The following SOX6 variants were observed in gnomAD, a reference collection of about 807,000 sequenced individuals.
SOX6 encodes the protein transcription factor SOX-6.
In SOX6, 11 loss-of-function variants were observed where a neutral mutation model predicts 97.8. That is an observed-to-expected ratio of 0.11 (90% CI 0.07 to 0.19). SOX6 has a LOEUF of 0.19. Ranked by LOEUF, SOX6 falls within the 10% of genes least tolerant of loss-of-function variation. The pLI is 1.00. For synonymous variants in SOX6, 360 were observed against 371.4 expected, an observed-to-expected ratio of 0.97 and a Z score of 0.35; for missense variants, 810 against 1,039.5, an observed-to-expected ratio of 0.78 and a Z score of 3.04.
chr11:16,641,283 T>A (rs1321046815), intron 3 of SOX6, among the ~76,000 whole-genome samples: 1 of 152,158 alleles, frequency 6.6e-6, no homozygotes, highest in East Asian at 1.9e-4. Flanking sequence ...ACAGTTTGTT[T>A]TAATTTCTGT....
chr11:16,074,050 C>T (rs1170037857), intron 9 of SOX6, among the ~76,000 whole-genome samples: 1 of 151,868 alleles, frequency 6.6e-6, no homozygotes, highest in East Asian at 1.9e-4. Context: ...ACTAGAGAAA[C>T]CAAAGCAAAT....
intron 3 of SOX6, among the ~76,000 whole-genome samples, chr11:16,253,010 A>G (rs1278557019): frequency 6.6e-6 from 1 of 152,070 alleles, no homozygotes; most frequent in East Asian, 1.9e-4. Flanking sequence ...TCTGCCTTTC[A>G]ACAAAAAATT....
chr11:16,182,736 G>A (rs1258700499), intron 6 of SOX6, among the ~76,000 whole-genome samples: 1 of 151,830 alleles, frequency 6.6e-6, no homozygotes, highest in African/African-American at 2.4e-5. Context: ...TGGACAAAAT[G>A]CCAATTAGGT....
intron 6 of SOX6, among the ~76,000 whole-genome samples, chr11:16,125,554 T>C (rs1187618008): frequency 6.6e-6 from 1 of 152,054 alleles, no homozygotes. Flanking sequence ...TTCCAAGGTA[T>C]AGTCCAGTAC....
At chr11:16,107,364 T>A (rs1289670121) in intron 7 of SOX6, among the ~76,000 whole-genome samples, 1 of 148,430 alleles carries the variant, frequency 6.7e-6, no homozygotes. Context: ...GATGAACAGA[T>A]AAACAAAATG....
At chr11:16,030,076 G>C (rs943821506) in intron 12 of SOX6, among the ~76,000 whole-genome samples, 1 of 152,040 alleles carries the variant, frequency 6.6e-6, no homozygotes, top group Admixed American at 6.6e-5. Context: ...CGACTGCTTC[G>C]GGATCTGAAT....
chr11:16,184,898 A>T (rs1365390519), intron 5 of SOX6, among the ~76,000 whole-genome samples: 2 of 99,680 alleles, frequency 2.0e-5, no homozygotes, highest in Non-Finnish European at 3.9e-5. Flanking sequence ...GCCAGAGAGC[A>T]CTCAGGACTT....
intron 4 of SOX6, among the ~76,000 whole-genome samples, chr11:16,571,594 C>T (rs1847938795): frequency 6.6e-6 from 1 of 151,714 alleles, no homozygotes; most frequent in African/African-American, 2.4e-5. Context: ...CTGTACCCAG[C>T]CTCTACATTC....
chr11:16,011,414 G>A (rs1278246080), intron 13 of SOX6, among the ~76,000 whole-genome samples: 1 of 152,100 alleles, frequency 6.6e-6, no homozygotes, highest in Non-Finnish European at 1.5e-5. Context: ...ATGCTGTCTT[G>A]TCACATTCAA....
intron 3 of SOX6, among the ~76,000 whole-genome samples, chr11:16,248,990 A>G (rs1853425309): frequency 6.6e-6 from 1 of 151,904 alleles, no homozygotes; most frequent in Admixed American, 6.6e-5. Flanking sequence ...AGTCCCAGCT[A>G]CTCGGGAAGC....
At chr11:16,125,083 G>C (rs568014515) in intron 6 of SOX6, among the ~76,000 whole-genome samples, 80 of 152,112 alleles carry the variant, frequency 5.3e-4, no homozygotes, top group Non-Finnish European at 8.7e-4. Flanking sequence ...TTCATTCATT[G>C]ATTGACTGAC....
chr11:16,655,025 T>A (rs1330676777), intron 3 of SOX6, among the ~76,000 whole-genome samples: 1 of 152,214 alleles, frequency 6.6e-6, no homozygotes, highest in Non-Finnish European at 1.5e-5. Context: ...CCTCTGGGGA[T>A]GGGCAGGAAG....
At chr11:16,731,834 T>C (rs889263042) in intron 2 of SOX6, among the ~76,000 whole-genome samples, 1 of 152,174 alleles carries the variant, frequency 6.6e-6, no homozygotes, top group African/African-American at 2.4e-5. Flanking sequence ...GATTGCATAT[T>C]TTGAAAACAC....
At chr11:16,199,606 C>G (rs1851879293) in intron 4 of SOX6, among the ~76,000 whole-genome samples, 1 of 152,116 alleles carries the variant, frequency 6.6e-6, no homozygotes, top group South Asian at 2.1e-4. Context: ...AAGCCTTCTT[C>G]CTGCATTTTA....
chr11:16,524,698 G>A (rs992493854), intron 4 of SOX6, among the ~76,000 whole-genome samples: 21 of 152,216 alleles, frequency 1.4e-4, no homozygotes, highest in Admixed American at 8.5e-4. Flanking sequence ...AATTGTCCCC[G>A]TTTGCAGATG....
intron 3 of SOX6, among the ~76,000 whole-genome samples, chr11:16,287,109 T>C (rs946696595): frequency 4.6e-5 from 7 of 152,088 alleles, no homozygotes; most frequent in Non-Finnish European, 1.0e-4. Context: ...GATGAATCTA[T>C]GAAATGTAAA....
rs557260380 is a variant in SOX6, at chr11:16,051,254, G to A, written c.1252-1316C>T. ...AGTTCATTTAACCGTCAATGACTATGAGCCTGGCCAGTATTATTCTAAATT... is the reference window on the plus strand; with the variant it reads ...AGTTCATTTAACCGTCAATGACTATAAGCCTGGCCAGTATTATTCTAAATT... On this transcript the variant is annotated intron_variant, in intron 10 of 15. Coordinates refer to ENST00000683767, the MANE Select transcript of SOX6 (RefSeq NM_001367873.1). Among the ~76,000 whole-genome samples the A allele has an allele frequency of 5.9e-5, 9 of 152,252 alleles. No homozygotes were observed. In the South Asian group the frequency reaches 6.2e-4, roughly 11 times the overall value.
intron 1 of SOX6, among the ~76,000 whole-genome samples, chr11:16,395,180 C>T (rs981721193): frequency 6.6e-6 from 1 of 151,792 alleles, no homozygotes; most frequent in African/African-American, 2.4e-5. Flanking sequence ...ATGTGCAAGA[C>T]CGTGTGTGCT....
At chr11:16,298,394 A>G (rs1020407589) in intron 3 of SOX6, among the ~76,000 whole-genome samples, 2 of 152,160 alleles carry the variant, frequency 1.3e-5, no homozygotes, top group Non-Finnish European at 2.9e-5. Context: ...TTCAATACAA[A>G]CTTGTCTAAA....
Sources: gnomAD v4.1 joint callset for allele counts (sites outside exome capture counted in the v4.1 genomes callset) on GRCh38, gnomAD v4.1.1 for gene constraint, MANE v1.5 for transcripts, NCBI Gene and HGNC (gene_info 2026-07-23, HGNC 2026-07-21) for gene names.